CACNA2D1: variants seen among roughly 807,000 people sequenced by gnomAD.
CACNA2D1 encodes the protein calcium voltage-gated channel auxiliary subunit alpha2delta 1.
CACNA2D1 carries 53 observed loss-of-function variants against 171.5 expected under a neutral mutation model. That is an observed-to-expected ratio of 0.31 (90% CI 0.25 to 0.39). CACNA2D1 has a LOEUF of 0.39. CACNA2D1 is among the 10% of genes least tolerant of loss of function. The pLI is 1.00. For synonymous variants in CACNA2D1, 442 were observed against 443.1 expected (o/e 1.00, Z 0.03); for missense variants, 903 against 1,299.8 (o/e 0.69, Z 4.69).
chr7:82,416,610 T>G (rs961023972), intron 1 of CACNA2D1, among the ~76,000 whole-genome samples: 4 of 152,208 alleles, frequency 2.6e-5, no homozygotes, highest in Non-Finnish European at 2.9e-5. Flanking sequence ...ATGCACTCTC[T>G]ATTTATAGCA....
intron 3 of CACNA2D1, among the ~76,000 whole-genome samples, chr7:82,299,738 C>T (rs1215647170): frequency 6.6e-6 from 1 of 151,378 alleles, no homozygotes; most frequent in Admixed American, 6.6e-5. Context: ...ATCTTTCAAA[C>T]TTCAGTTTTA....
At chr7:81,994,282 A>C (rs939118737) in intron 20 of CACNA2D1, among the ~76,000 whole-genome samples, 1 of 152,136 alleles carries the variant, frequency 6.6e-6, no homozygotes, top group Non-Finnish European at 1.5e-5. Context: ...GATATACTCC[A>C]ATATGATAAT....
intron 7 of CACNA2D1, among the ~76,000 whole-genome samples, chr7:82,078,842 C>T (rs866312992): frequency 9.9e-5 from 15 of 151,886 alleles, no homozygotes; most frequent in African/African-American, 3.4e-4. Flanking sequence ...TAGAACTCCT[C>T]ATAGTCTACC....
intron 3 of CACNA2D1, among the ~76,000 whole-genome samples, chr7:82,305,985 C>T (rs1313901040): frequency 1.3e-5 from 2 of 152,104 alleles, no homozygotes; most frequent in Admixed American, 1.3e-4. Flanking sequence ...TACTGTTTTT[C>T]CTTTTCCAAA....
intron 6 of CACNA2D1, among the ~76,000 whole-genome samples, chr7:82,092,454 G>A (rs1015812002): frequency 1.3e-5 from 2 of 150,852 alleles, no homozygotes; most frequent in African/African-American, 2.4e-5. Flanking sequence ...TCACTGCCAA[G>A]CTCCGCCTCC....
chr7:82,291,661 ATT>A (rs566911222), intron 3 of CACNA2D1, among the ~76,000 whole-genome samples: 2 of 135,740 alleles, frequency 1.5e-5, no homozygotes, highest in Non-Finnish European at 1.5e-5. Context: ...ATATATATAT[ATT>A]TTTTTTTCTT....
chr7:82,149,324 G>A (rs1041944313), intron 4 of CACNA2D1, among the ~76,000 whole-genome samples: 7 of 152,112 alleles, frequency 4.6e-5, no homozygotes, highest in Non-Finnish European at 1.0e-4. Flanking sequence ...CCTAGAAATA[G>A]ACACTGAGAC....
chr7:82,045,191 A>G (rs1021048735), intron 10 of CACNA2D1, among the ~76,000 whole-genome samples: 11 of 152,156 alleles, frequency 7.2e-5, no homozygotes, highest in Non-Finnish European at 1.3e-4. Context: ...TTTAAAGTAT[A>G]TATGTGCTAG....
intron 1 of CACNA2D1, among the ~76,000 whole-genome samples, chr7:82,377,820 T>C (rs941279939): frequency 1.3e-5 from 2 of 152,142 alleles, no homozygotes; most frequent in Admixed American, 6.5e-5. Flanking sequence ...CTTTCTACGG[T>C]TGATGTTAAA....
intron 3 of CACNA2D1, among the ~76,000 whole-genome samples, chr7:82,329,544 G>T (rs1817050161): frequency 6.6e-6 from 1 of 152,100 alleles, no homozygotes; most frequent in African/African-American, 2.4e-5. Context: ...CCGCATTGGA[G>T]GTTGGATTGC....
At chr7:82,391,381 TCCA>T (rs1029546495) in intron 1 of CACNA2D1, among the ~76,000 whole-genome samples, 3 of 152,178 alleles carry the variant, frequency 2.0e-5, no homozygotes, top group African/African-American at 4.8e-5. Context: ...CAGTGCAGTC[TCCA>T]CTTCTCCCTC....
At chr7:81,995,755 C>G (rs183389094) in intron 19 of CACNA2D1, among the ~76,000 whole-genome samples, 1 of 146,730 alleles carries the variant, frequency 6.8e-6, no homozygotes, top group Non-Finnish European at 1.5e-5. Context: ...GCTGAGATTG[C>G]GCCACTGCAC....
chr7:82,334,260 G>A (rs1356391520), intron 3 of CACNA2D1, among the ~76,000 whole-genome samples: 1 of 151,966 alleles, frequency 6.6e-6, no homozygotes, highest in African/African-American at 2.4e-5. Flanking sequence ...CGATTATTTT[G>A]GAAAACAATT....
At chr7:82,232,288 C>G (rs1803025453) in intron 3 of CACNA2D1, among the ~76,000 whole-genome samples, 1 of 152,114 alleles carries the variant, frequency 6.6e-6, no homozygotes, top group Non-Finnish European at 1.5e-5. Flanking sequence ...CATTGCTAAC[C>G]ACCATCTATA....
At chr7:82,060,608 A>G in intron 9 of CACNA2D1, 81 bp from the exon 10 acceptor site, 2 of 822,614 alleles carry the variant, frequency 2.4e-6, no homozygotes, top group Non-Finnish European at 2.1e-6. Context: ...TAATGTATGC[A>G]CTGACCCTAG....
rs181686995 is a variant in CACNA2D1, at chr7:82,401,697, G to A, written c.95+41668C>T. On this transcript the variant is annotated intron_variant, in intron 1 of 38. Coordinates refer to ENST00000356860, the MANE Select transcript of CACNA2D1 (RefSeq NM_000722.4). ...AATGTGCATATGTACCCTAAAACTTGAAGTATAATAATAAAAGAAAAAAAA... is the reference window on the plus strand; with the variant it reads ...AATGTGCATATGTACCCTAAAACTTAAAGTATAATAATAAAAGAAAAAAAA... 7.0e-3 allele frequency among the ~76,000 whole-genome samples: 1,056 copies of A among 150,044 alleles called. 8 individuals carry two copies. Among genetic ancestry groups the A allele is most frequent in the Middle Eastern group, 0.024 (7 of 288 alleles).
intron 38 of CACNA2D1, among the ~76,000 whole-genome samples, chr7:81,955,103 C>T (rs1032457256): frequency 6.6e-6 from 1 of 152,002 alleles, no homozygotes; most frequent in Non-Finnish European, 1.5e-5. Context: ...CTTTTTGAGT[C>T]TTCATAAACT....
chr7:81,990,869 A>G (rs1329090146), intron 21 of CACNA2D1, among the ~76,000 whole-genome samples: 3 of 152,194 alleles, frequency 2.0e-5, no homozygotes, highest in Non-Finnish European at 4.4e-5. Flanking sequence ...ACTCAAATGT[A>G]CCTAATGTAA....
intron 3 of CACNA2D1, among the ~76,000 whole-genome samples, chr7:82,268,497 T>G (rs1055109015): frequency 2.0e-5 from 3 of 152,176 alleles, no homozygotes; most frequent in Non-Finnish European, 2.9e-5. Flanking sequence ...TCACTCACTC[T>G]CCCTCTAATT....
Sources: gnomAD v4.1 joint callset for allele counts (sites outside exome capture counted in the v4.1 genomes callset) on GRCh38, gnomAD v4.1.1 for gene constraint, MANE v1.5 for transcripts, NCBI Gene and HGNC (gene_info 2026-07-23, HGNC 2026-07-21) for gene names.